RABGAP1L: variants seen among roughly 807,000 people sequenced by gnomAD.
RABGAP1L encodes the protein RAB GTPase activating protein 1 like.
RABGAP1L carries 63 observed loss-of-function variants against 137.7 expected under a neutral mutation model. That is an observed-to-expected ratio of 0.46 (90% confidence interval 0.37 to 0.56). The LOEUF (loss-of-function observed/expected upper bound fraction) is 0.56, where lower values mean the gene tolerates loss of function less well. Ranked by LOEUF, RABGAP1L falls within the 20% of genes least tolerant of loss-of-function variation. The probability of loss-of-function intolerance (pLI) is 0.00; values close to 1 mark genes in which losing one functional copy is unlikely to be tolerated. For synonymous variants in RABGAP1L, 431 were observed against 433.7 expected (o/e 0.99, Z 0.08); for missense variants, 1,095 against 1,244.0 (o/e 0.88, Z 1.80).
At chr1:174,644,211 G>T (rs1674768840) in intron 14 of RABGAP1L, among the ~76,000 whole-genome samples, 1 of 151,964 alleles carries the variant, frequency 6.6e-6, no homozygotes, top group African/African-American at 2.4e-5. Flanking sequence ...TAGAGTCCTG[G>T]AAAGAGAATG....
intron 11 of RABGAP1L, among the ~76,000 whole-genome samples, chr1:174,369,466 G>A (rs906578831): frequency 1.3e-5 from 2 of 152,196 alleles, no homozygotes; most frequent in Non-Finnish European, 2.9e-5. Flanking sequence ...TTACAGGCCT[G>A]AGCCACTGCA....
chr1:174,538,186 T>C (rs1665046582), intron 13 of RABGAP1L, among the ~76,000 whole-genome samples: 1 of 152,228 alleles, frequency 6.6e-6, no homozygotes, highest in Non-Finnish European at 1.5e-5. Flanking sequence ...CTTCCATTTC[T>C]CTTTGCTGTG....
At chr1:174,776,460 A>G (rs967128429) in intron 18 of RABGAP1L, among the ~76,000 whole-genome samples, 5 of 152,194 alleles carry the variant, frequency 3.3e-5, no homozygotes, top group East Asian at 3.8e-4. Flanking sequence ...AAAACTTGCT[A>G]CTTGTGGAGA....
chr1:174,981,815 C>T (rs903250866), intron 23 of RABGAP1L, among the ~76,000 whole-genome samples: 79 of 152,196 alleles, frequency 5.2e-4, no homozygotes, highest in African/African-American at 1.9e-3. Flanking sequence ...CACCTTATTT[C>T]AGAATCAATA....
chr1:174,553,026 C>A (rs1333063549), intron 13 of RABGAP1L, among the ~76,000 whole-genome samples: 2 of 152,102 alleles, frequency 1.3e-5, no homozygotes, highest in African/African-American at 4.8e-5. Flanking sequence ...ACATATATGT[C>A]TTCTTCTGGG....
Position 174,323,051 on chromosome 1 carries a change from A to G in RABGAP1L, c.1465+17924A>G, listed in dbSNP as rs145033194. On this transcript the variant is annotated intron_variant, in intron 11 of 25. Transcript: ENST00000681986. Reference sequence around the variant, plus strand: ...TTGGTAAAATGACAGGTGCTACTCCATAAGAATATATTATACACTTCAGTG... The same window carrying G: ...TTGGTAAAATGACAGGTGCTACTCCGTAAGAATATATTATACACTTCAGTG... Among the ~76,000 whole-genome samples the G allele has an allele frequency of 7.6e-4, 115 of 152,312 alleles. No homozygotes were observed. The East Asian group carries it at 0.022, about 29-fold the overall frequency.
At chr1:174,835,218 G>T (rs1241358574) in intron 19 of RABGAP1L, among the ~76,000 whole-genome samples, 1 of 152,100 alleles carries the variant, frequency 6.6e-6, no homozygotes, top group African/African-American at 2.4e-5. Context: ...GAAGTCAGGA[G>T]GAAATTTGGA....
At chr1:174,304,559 G>T (rs1446237483) in intron 10 of RABGAP1L, among the ~76,000 whole-genome samples, 4 of 151,980 alleles carry the variant, frequency 2.6e-5, no homozygotes, top group Non-Finnish European at 4.4e-5. Flanking sequence ...TCAGGGATGG[G>T]TATAATATAG....
At chr1:174,209,144 A>G (rs1004900529) in intron 1 of RABGAP1L, among the ~76,000 whole-genome samples, 6 of 152,152 alleles carry the variant, frequency 3.9e-5, no homozygotes, top group Admixed American at 3.9e-4. Context: ...GCCACTGCTG[A>G]TTGGATGTGA....
At chr1:174,309,315 T>C (rs1190593679) in intron 11 of RABGAP1L, among the ~76,000 whole-genome samples, 1 of 152,074 alleles carries the variant, frequency 6.6e-6, no homozygotes, top group Non-Finnish European at 1.5e-5. Flanking sequence ...CCAGGACAAT[T>C]TGATTTCTTC....
intron 11 of RABGAP1L, among the ~76,000 whole-genome samples, 162 bp downstream of exon 11, chr1:174,305,289 G>T (rs2148771349): frequency 6.6e-6 from 1 of 152,240 alleles, no homozygotes; most frequent in South Asian, 2.1e-4. Flanking sequence ...TGGTTCATTT[G>T]GTTCCTAAGT....
In RABGAP1L at chr1:174,994,895, G is replaced by T. The variant is rs758332946; in HGVS notation, c.*4894G>T. 2 of 152,156 alleles carry T rather than the reference G, an allele frequency of 1.3e-5. No individual in the cohort carries two copies. The highest frequency in any genetic ancestry group is 6.5e-5 in the Admixed American group (1 of 15,272). The allele number at this position is 152,156 out of a possible 1,614,324, so 9.4% of individuals were successfully genotyped here. A position where few individuals can be genotyped will look rare whatever the true frequency, so the allele number is the denominator to read the frequency against. Reference sequence around the variant, plus strand: ...TATGAATTCCATTATTTTGTCCATGGCATCTCTAATGAAAACAGGTTCTAG... The same window carrying T: ...TATGAATTCCATTATTTTGTCCATGTCATCTCTAATGAAAACAGGTTCTAG... On this transcript the variant is annotated 3_prime_UTR_variant, in exon 26 of 26. Transcript: ENST00000681986.
intron 17 of RABGAP1L, among the ~76,000 whole-genome samples, chr1:174,717,458 A>G (rs548331156): frequency 7.8e-4 from 119 of 152,272 alleles, no homozygotes; most frequent in African/African-American, 2.4e-3. Context: ...TAAATATCCA[A>G]TAGTACTGAT....
chr1:174,184,078 A>G (rs1666607205), intron 1 of RABGAP1L, among the ~76,000 whole-genome samples: 1 of 151,752 alleles, frequency 6.6e-6, no homozygotes, highest in Admixed American at 6.6e-5. Context: ...CGTGTTAGCC[A>G]GGATAGTCTT....
At chr1:174,569,787 A>G (rs1667848386) in intron 13 of RABGAP1L, among the ~76,000 whole-genome samples, 1 of 152,238 alleles carries the variant, frequency 6.6e-6, no homozygotes, top group Non-Finnish European at 1.5e-5. Flanking sequence ...TTAACGAAGT[A>G]GAGAAGTTTG....
intron 15 of RABGAP1L, among the ~76,000 whole-genome samples, chr1:174,694,785 A>T (rs1365768879): frequency 6.6e-6 from 1 of 151,636 alleles, no homozygotes; most frequent in African/African-American, 2.4e-5. Flanking sequence ...ACTGACTTCC[A>T]CAATGGTTGA....
At chr1:174,977,313 C>T (rs190175134) in intron 22 of RABGAP1L, among the ~76,000 whole-genome samples, 1 of 152,248 alleles carries the variant, frequency 6.6e-6, no homozygotes, top group East Asian at 1.9e-4. Context: ...TTTTCAGGGG[C>T]TGATTACCCA....
chr1:174,754,419 T>A (rs1684561326), intron 18 of RABGAP1L, among the ~76,000 whole-genome samples: 1 of 152,180 alleles, frequency 6.6e-6, no homozygotes. Flanking sequence ...GATAAAATAA[T>A]ATGTATTTGT....
intron 13 of RABGAP1L, among the ~76,000 whole-genome samples, chr1:174,617,500 C>T (rs1671998087): frequency 6.6e-6 from 1 of 152,146 alleles, no homozygotes; most frequent in Admixed American, 6.5e-5. Context: ...AGGAACAAAT[C>T]CTTCTGTTCT....
Sources: allele counts gnomAD v4.1 joint callset (sites outside exome capture counted in the v4.1 genomes callset), GRCh38; gene constraint gnomAD v4.1.1; transcripts MANE v1.5; gene names NCBI Gene and HGNC (gene_info 2026-07-23, HGNC 2026-07-21).